Variants in FBXW12 observed in about 807,000 individuals in gnomAD.
The protein encoded by FBXW12 is F-box and WD repeat domain containing 12.
FBXW12 carries 43 observed loss-of-function variants against 55.3 expected under a neutral mutation model. That is an observed-to-expected ratio of 0.78 (90% CI 0.61 to 1.00). The LOEUF is 1.00. Among genes scored for constraint, FBXW12 ranks in the 50% least tolerant of loss-of-function variants. FBXW12 has a pLI of 0.00. For missense variants in FBXW12, 524 were observed against 560.5 expected, an observed-to-expected ratio of 0.93 and a Z score of 0.66; for synonymous variants, 184 against 203.8, an observed-to-expected ratio of 0.90 and a Z score of 0.83.
At chr3:48,393,841 C>T (rs907708991) in intron 10 of FBXW12, among the ~76,000 whole-genome samples, 16 of 149,682 alleles carry the variant, frequency 1.1e-4, no homozygotes, top group Admixed American at 6.7e-4. Context: ...TGCAGTAGCG[C>T]GATCTCGGCT....
intron 10 of FBXW12, among the ~76,000 whole-genome samples, chr3:48,382,462 T>G (rs2036792904): frequency 6.6e-6 from 1 of 150,520 alleles, no homozygotes; most frequent in Non-Finnish European, 1.5e-5. Context: ...AAACAGGGGT[T>G]TTTTTTTTTA....
At chr3:48,381,360 C>T (rs961243137) in intron 8 of FBXW12, among the ~76,000 whole-genome samples, 1 of 152,092 alleles carries the variant, frequency 6.6e-6, no homozygotes, top group African/African-American at 2.4e-5. Flanking sequence ...TGAACCCATC[C>T]CAGTTCGACT....
intron 10 of FBXW12, among the ~76,000 whole-genome samples, chr3:48,393,968 G>A (rs1237394006): frequency 3.9e-5 from 6 of 151,992 alleles, no homozygotes; most frequent in East Asian, 3.9e-4. Context: ...TAGTAGAGAC[G>A]AGGTTTCACT....
At chr3:48,382,178 G>T (rs977442974) in intron 10 of FBXW12, 93 bp downstream of exon 10, 1 of 1,406,860 alleles carries the variant, frequency 7.1e-7, no homozygotes, top group Non-Finnish European at 9.8e-7. Flanking sequence ...GTGCAGTGGC[G>T]TGATCTCAAC....
chr3:48,373,917 A>AT (rs57024871), intron 4 of FBXW12, among the ~76,000 whole-genome samples: 2,045 of 151,766 alleles, frequency 0.013, 39 homozygotes, highest in African/African-American at 0.046. Context: ...AACTAGAGTG[A>AT]TTTTTTTTCA....
chr3:48,389,680 C>T (rs767368554), intron 10 of FBXW12, among the ~76,000 whole-genome samples: 4 of 152,148 alleles, frequency 2.6e-5, no homozygotes, highest in Admixed American at 6.5e-5. Flanking sequence ...CCAGCCTGTG[C>T]AGAAGTTCTT....
chr3:48,379,386 T>C lies in FBXW12; in HGVS notation c.616-14T>C. On this transcript the variant is annotated splice_polypyrimidine_tract_variant and intron_variant, in intron 6 of 10. Transcript: ENST00000296438. ...TATCTTCCTATTGATATGGTGGGGATGCTTTGGTTTCAGGTTGGCGATGCT... is the reference window on the plus strand; with the variant it reads ...TATCTTCCTATTGATATGGTGGGGACGCTTTGGTTTCAGGTTGGCGATGCT... 6.2e-7 allele frequency: 1 copy of C among 1,613,662 alleles called. No individual in the cohort carries two copies. Among genetic ancestry groups the C allele is most frequent in the South Asian group, 1.1e-5 (1 of 91,048 alleles).
At position 48,378,446 on chromosome 3, in the gene FBXW12, G is replaced by A. The variant is rs1197803816; in HGVS notation, c.535G>A (p.Asp179Asn). ...TIKVWNCQDR[D>N]ALAVLPMPQP... The stretch of plus-strand genomic sequence containing the variant: ...CAAAGTGTGGAACTGTCAGGACAGG[G>A]ACGCTCTGGCTGTTCTCCCCATGCC... Residue 179 changes from aspartate (D) to asparagine (N), a missense_variant, in exon 6 of 11, where the codon GAC becomes AAC. Coordinates refer to ENST00000296438, the MANE Select transcript of FBXW12 (RefSeq NM_207102.2). 1 of 1,614,058 alleles carries A rather than the reference G, an allele frequency of 6.2e-7. No individual in the cohort carries two copies. The highest frequency in any genetic ancestry group is 2.2e-5 in the East Asian group (1 of 44,870).
At position 48,378,641 on chromosome 3, in the gene FBXW12, G is replaced by T. The variant is rs538939079; in HGVS notation, c.615+115G>T. ...TTTTTTTTTTTTTTTTGGAGACAGAGTCTCACTCTGTTGCTCAGGCTGGAG... is the reference window on the plus strand; with the variant it reads ...TTTTTTTTTTTTTTTTGGAGACAGATTCTCACTCTGTTGCTCAGGCTGGAG... On this transcript the variant is annotated intron_variant, in intron 6 of 10. Transcript: ENST00000296438. 1.2e-5 allele frequency: 9 copies of T among 770,618 alleles called. 1 individual carries two copies. The South Asian group carries it at 1.7e-4, about 14-fold the overall frequency. 47.7% of individuals were successfully genotyped at this position (770,618 alleles called of 1,614,324 possible). A position where few individuals can be genotyped will look rare whatever the true frequency, so the allele number is the denominator to read the frequency against.
chr3:48,372,752 GT>G lies in FBXW12; in HGVS notation c.-14del. 3.7e-6 allele frequency: 6 copies of G among 1,614,192 alleles called. No individual in the cohort carries two copies. Among genetic ancestry groups the G allele is most frequent in the Non-Finnish European group, 5.1e-6 (6 of 1,180,004 alleles). ...AGAGGAGAAAGGAAAGTGGATGTGG[GT>G]TCAGGCCGCATGAAATGGAGATCCG... On this transcript the variant is annotated 5_prime_UTR_variant, in exon 2 of 11. An upstream open reading frame in the 5' UTR loses its in-frame stop. Transcript: ENST00000296438.
intron 10 of FBXW12, among the ~76,000 whole-genome samples, chr3:48,392,148 C>T (rs2036937380): frequency 1.3e-5 from 2 of 152,044 alleles, no homozygotes; most frequent in Admixed American, 1.3e-4. Context: ...CGGTTTGTCT[C>T]TGGGGATACA....
At position 48,379,489 on chromosome 3, in the gene FBXW12, A is replaced by ACTT. The variant is rs751831144; in HGVS notation, c.708_710dup (p.Leu237dup). On this transcript the variant is annotated inframe_insertion, in exon 7 of 11. Transcript: ENST00000296438. Reference sequence around the variant, plus strand: ...TTACTGCATTTCAATATGGTATTGTACTTCTACACTGCTCTCCTGACAAGA... The same window carrying ACTT: ...TTACTGCATTTCAATATGGTATTGTACTTCTTCTACACTGCTCTCCTGACAAGA... The ACTT allele has an allele frequency of 3.1e-5, 50 of 1,613,924 alleles. No homozygotes were observed. In the Middle Eastern group the frequency reaches 6.6e-4, roughly 21 times the overall value.
At chr3:48,372,613 G>A in intron 1 of FBXW12, 71 bp from the exon 2 acceptor site, 2 of 1,531,122 alleles carry the variant, frequency 1.3e-6, no homozygotes, top group East Asian at 2.3e-5. Context: ...GTGGAGGTCA[G>A]CCCGGGAGTC....
At chr3:48,375,974 CTTTTTTT>C (rs34834484) in intron 5 of FBXW12, among the ~76,000 whole-genome samples, 1 of 40,618 alleles carries the variant, frequency 2.5e-5, no homozygotes, top group Non-Finnish European at 4.3e-5. Flanking sequence ...TGCGCCCGGC[CTTTTTTT>C]TTTTTTTTTT....
intron 10 of FBXW12, among the ~76,000 whole-genome samples, chr3:48,382,570 A>C (rs770376757): frequency 1.3e-5 from 2 of 152,138 alleles, no homozygotes; most frequent in Non-Finnish European, 2.9e-5. Flanking sequence ...AGTCTTCCCA[A>C]AGTGGCTCTC....
At chr3:48,378,178 T>C in intron 5 of FBXW12, 139 bp from the exon 6 acceptor site, 1 of 650,422 alleles carries the variant, frequency 1.5e-6, no homozygotes, top group Non-Finnish European at 2.7e-6. Context: ...AATATTGAGA[T>C]GTGGAGAACT....
In FBXW12 at chr3:48,372,833, G is replaced by C; in HGVS notation, c.66G>C (p.Leu22Phe). The C allele has an allele frequency of 6.2e-7, 1 of 1,614,152 alleles. No individual in the cohort carries two copies. The highest frequency in any genetic ancestry group is 1.1e-5 in the South Asian group (1 of 91,090). The change falls in exon 2 of 11, where the codon TTG (leucine) becomes TTC (phenylalanine). Residue 22 changes from leucine to phenylalanine, a missense_variant. By Grantham distance (22) the Leu-to-Phe change is conservative. Transcript: ENST00000296438. Reference sequence around the variant, plus strand: ...TCTCTTTCCTGGACCTGTTCGGCTTGCTGCAGGTTTCCCAGGTGAACAAGG... The same window carrying C: ...TCTCTTTCCTGGACCTGTTCGGCTTCCTGCAGGTTTCCCAGGTGAACAAGG... ...RIFSFLDLFGLLQVSQVNKHW... is the reference protein window; with the variant it reads ...RIFSFLDLFGFLQVSQVNKHW...
chr3:48,392,492 A>G (rs1333014084), intron 10 of FBXW12, among the ~76,000 whole-genome samples: 1 of 145,032 alleles, frequency 6.9e-6, no homozygotes, highest in Non-Finnish European at 1.5e-5. Flanking sequence ...AAGAACCATG[A>G]TGTTTTGATT....
At position 48,373,006 on chromosome 3, in the gene FBXW12, A is replaced by G. The variant is rs1441182988; in HGVS notation, c.90+149A>G. 4 of 837,986 alleles carry G rather than the reference A, an allele frequency of 4.8e-6. No individual in the cohort carries two copies. The East Asian group carries it at 1.0e-4, about 22-fold the overall frequency. The allele number at this position is 837,986 out of a possible 1,614,324, so 51.9% of individuals were successfully genotyped here. ...AGGGCCTCATATTCTGTTAAACGAA[A>G]AGGACAAGCTGATATCCAGGAGTTG... On this transcript the variant is annotated intron_variant, in intron 2 of 10. Transcript: ENST00000296438.
Sources: allele counts gnomAD v4.1 joint callset (sites outside exome capture counted in the v4.1 genomes callset), GRCh38; gene constraint gnomAD v4.1.1; transcripts MANE v1.5; gene names NCBI Gene and HGNC (gene_info 2026-07-23, HGNC 2026-07-21).